COG5: variants seen among roughly 807,000 people sequenced by gnomAD.
The protein encoded by COG5 is conserved oligomeric Golgi complex subunit 5.
COG5 carries 86 observed loss-of-function variants against 110.4 expected under a neutral mutation model. The observed-to-expected ratio is 0.78, with a 90% CI of 0.65 to 0.93. The LOEUF is 0.93. COG5 is among the 40% of genes least tolerant of loss of function. The pLI is 0.00. For synonymous variants in COG5, 360 were observed against 334.6 expected (o/e 1.08, Z -0.83); for missense variants, 1,077 against 987.0 (o/e 1.09, Z -1.22).
In COG5 at chr7:107,362,543, T is replaced by C. The variant is rs1216343728; in HGVS notation, c.836-123A>G. ...GAGAAGTTCCTTCTTTAGGAAATAATTTATTGAGTAAGAATCTTAACCTTT... is the reference window on the plus strand; with the variant it reads ...GAGAAGTTCCTTCTTTAGGAAATAACTTATTGAGTAAGAATCTTAACCTTT... On this transcript the variant is annotated intron_variant, in intron 8 of 21. Coordinates refer to ENST00000297135, the MANE Select transcript of COG5 (RefSeq NM_006348.5). 3 of 687,740 alleles carry C rather than the reference T, an allele frequency of 4.4e-6. No homozygotes were observed. In the Admixed American group the frequency reaches 7.5e-5, roughly 17 times the overall value. The allele number at this position is 687,740 out of a possible 1,614,324, so 42.6% of individuals were successfully genotyped here. A position where few individuals can be genotyped will look rare whatever the true frequency, so the allele number is the denominator to read the frequency against.
At position 107,563,863 on chromosome 7, in the gene COG5, C is replaced by G. The variant is rs771160150; in HGVS notation, c.34G>C (p.Gly12Arg). ...EGGGGSVAVA[G>R]LGARGSGAAA... is the part of the protein sequence containing the mutation. ...GCTCCAGAGCCTCGAGCTCCGAGGC[C>G]AGCTACAGCGACGCTGCCGCCGCCA... The change falls in exon 1 of 22, where the codon GGC becomes CGC. Residue 12 changes from glycine to arginine, a missense_variant. Coordinates refer to ENST00000297135, the MANE Select transcript of COG5 (RefSeq NM_006348.5). The G allele has an allele frequency of 3.7e-6, 6 of 1,613,560 alleles. No homozygotes were observed. Among genetic ancestry groups the G allele is most frequent in the Non-Finnish European group, 4.2e-6 (5 of 1,179,966 alleles).
At chr7:107,294,042 A>G (rs1806393131) in intron 12 of COG5, among the ~76,000 whole-genome samples, 1 of 152,204 alleles carries the variant, frequency 6.6e-6, no homozygotes, top group Non-Finnish European at 1.5e-5. Context: ...ACTGCACTCC[A>G]GCCTGGGTGA....
At chr7:107,292,544 T>C (rs552377552) in intron 12 of COG5, among the ~76,000 whole-genome samples, 1 of 152,184 alleles carries the variant, frequency 6.6e-6, no homozygotes, top group South Asian at 2.1e-4. Flanking sequence ...GGTTGAGATA[T>C]AACAAAAGCC....
At chr7:107,205,801 G>A (rs1798729289) in intron 21 of COG5, among the ~76,000 whole-genome samples, 1 of 152,060 alleles carries the variant, frequency 6.6e-6, no homozygotes, top group Non-Finnish European at 1.5e-5. Context: ...ACAGGTTTGT[G>A]AAACGATCTC....
At chr7:107,394,212 C>T (rs768973189) in intron 7 of COG5, among the ~76,000 whole-genome samples, 11 of 151,482 alleles carry the variant, frequency 7.3e-5, no homozygotes, top group Non-Finnish European at 1.6e-4. Flanking sequence ...ATCCGCCTGC[C>T]TCGGCCTCCC....
At chr7:107,287,603 A>G (rs1283485735) in intron 12 of COG5, among the ~76,000 whole-genome samples, 2 of 152,152 alleles carry the variant, frequency 1.3e-5, no homozygotes, top group Admixed American at 6.5e-5. Flanking sequence ...TATCACCTCA[A>G]AAAGAAATCT....
intron 17 of COG5, among the ~76,000 whole-genome samples, chr7:107,245,649 G>C (rs1006916500): frequency 7.9e-5 from 12 of 152,048 alleles, no homozygotes; most frequent in African/African-American, 2.9e-4. Flanking sequence ...AGGAATACAG[G>C]TAACCAGGGA....
chr7:107,221,442 A>G (rs1799919644), intron 19 of COG5, among the ~76,000 whole-genome samples: 2 of 151,952 alleles, frequency 1.3e-5, no homozygotes, highest in Admixed American at 6.6e-5. Flanking sequence ...AGTCCTTATA[A>G]GTACTTTAGA....
At chr7:107,294,116 A>G (rs1051691900) in intron 12 of COG5, among the ~76,000 whole-genome samples, 11 of 152,006 alleles carry the variant, frequency 7.2e-5, no homozygotes, top group African/African-American at 2.4e-4. Context: ...TTCCAAATAC[A>G]TATTTCCAGC....
chr7:107,231,812 T>C (rs1345740702), intron 18 of COG5, among the ~76,000 whole-genome samples: 2 of 150,376 alleles, frequency 1.3e-5, no homozygotes, highest in Admixed American at 6.6e-5. Context: ...TAGACTATCT[T>C]GCCTTCACTA....
In COG5 at chr7:107,453,859, T is replaced by A. The variant is rs1047432946; in HGVS notation, c.539-41227A>T. Among the ~76,000 whole-genome samples, 3 of 152,254 alleles carry A rather than the reference T, an allele frequency of 2.0e-5. No individual in the cohort carries two copies. In the South Asian group the frequency reaches 6.2e-4, roughly 32 times the overall value. ...CCAAGTGCAATGTCAAACATGAATT[T>A]AAAAATATTAAATTATTGTATTACT... On this transcript the variant is annotated intron_variant, in intron 6 of 21. Transcript: ENST00000297135.
In COG5 at chr7:107,403,406, T is replaced by C. The variant is rs886611066; in HGVS notation, c.669+9096A>G. Among the ~76,000 whole-genome samples, 3 of 152,038 alleles carry C rather than the reference T, an allele frequency of 2.0e-5. No homozygotes were observed. The East Asian group carries it at 5.8e-4, about 29-fold the overall frequency. ...ACACCCTTTTTTTTTTTTTAAATTA[T>C]ACTTTAAGTTCTGGGATACATGTGT... On this transcript the variant is annotated intron_variant, in intron 7 of 21. Transcript: ENST00000297135.
At chr7:107,215,758 T>C (rs868501817) in intron 19 of COG5, among the ~76,000 whole-genome samples, 2 of 151,450 alleles carry the variant, frequency 1.3e-5, no homozygotes, top group African/African-American at 2.4e-5. Context: ...TCTTGCTTTG[T>C]AGCCCAGGCT....
intron 6 of COG5, among the ~76,000 whole-genome samples, chr7:107,489,925 T>C (rs893602706): frequency 2.6e-5 from 4 of 152,076 alleles, no homozygotes; most frequent in African/African-American, 9.7e-5. Flanking sequence ...CCTCACAGAG[T>C]TGGGAAGCTT....
chr7:107,299,714 T>A (rs906522625), intron 11 of COG5, among the ~76,000 whole-genome samples: 9 of 150,998 alleles, frequency 6.0e-5, no homozygotes, highest in African/African-American at 2.2e-4. Context: ...ATATTCCTTA[T>A]CAAGATAGGT....
At chr7:107,234,101 G>T (rs1375340463) in intron 18 of COG5, among the ~76,000 whole-genome samples, 1 of 152,160 alleles carries the variant, frequency 6.6e-6, no homozygotes, top group Admixed American at 6.5e-5. Flanking sequence ...CATCCCCAAG[G>T]TGAGTGTCAG....
chr7:107,399,940 C>T (rs1791304558), intron 7 of COG5, among the ~76,000 whole-genome samples: 1 of 152,158 alleles, frequency 6.6e-6, no homozygotes, highest in Admixed American at 6.5e-5. Flanking sequence ...CTGGAGGAAC[C>T]AGAACCCTCA....
At chr7:107,314,955 T>C (rs536992655) in intron 11 of COG5, among the ~76,000 whole-genome samples, 2 of 152,342 alleles carry the variant, frequency 1.3e-5, no homozygotes, top group South Asian at 4.1e-4. Context: ...GCAAGTTTTC[T>C]TTTTGTGTTA....
chr7:107,489,633 A>G (rs778853790), intron 6 of COG5, among the ~76,000 whole-genome samples: 3 of 152,226 alleles, frequency 2.0e-5, no homozygotes, highest in Non-Finnish European at 4.4e-5. Flanking sequence ...GAAAACTCAC[A>G]TTGTAACCTC....
Sources: allele counts gnomAD v4.1 joint callset (sites outside exome capture counted in the v4.1 genomes callset), GRCh38; gene constraint gnomAD v4.1.1; transcripts MANE v1.5; gene names NCBI Gene and HGNC (gene_info 2026-07-23, HGNC 2026-07-21).